Variants in SUCLG2 observed in about 807,000 individuals in gnomAD.
The protein encoded by SUCLG2 is succinate--CoA ligase [GDP-forming] subunit beta, mitochondrial.
A neutral mutation model predicts 47.9 loss-of-function variants in SUCLG2; 42 were observed. The observed-to-expected ratio is 0.88, with a 90% CI of 0.69 to 1.14. SUCLG2 has a LOEUF of 1.14. SUCLG2 is among the 50% of genes most tolerant of loss of function. The pLI is 0.00. For missense variants in SUCLG2, 571 were observed against 525.9 expected, an observed-to-expected ratio of 1.09 and a Z score of -0.84; for synonymous variants, 195 against 197.3, an observed-to-expected ratio of 0.99 and a Z score of 0.10.
At chr3:67,650,322 A>C (rs1342673504) in intron 1 of SUCLG2, among the ~76,000 whole-genome samples, 1 of 152,270 alleles carries the variant, frequency 6.6e-6, no homozygotes, top group Non-Finnish European at 1.5e-5. Context: ...TAAAGGCAGA[A>C]AATTAGGCTG....
intron 9 of SUCLG2, among the ~76,000 whole-genome samples, chr3:67,403,871 T>C (rs925003999): frequency 3.1e-4 from 47 of 152,210 alleles, no homozygotes; most frequent in African/African-American, 1.1e-3. Context: ...GATCCTCTTA[T>C]TTCTTCCTTT....
At chr3:67,552,172 CAAAAAAAAAAAA>C (rs55687048) in intron 2 of SUCLG2, among the ~76,000 whole-genome samples, 4 of 75,494 alleles carry the variant, frequency 5.3e-5, no homozygotes, top group African/African-American at 7.6e-5. Context: ...AACTCCATCT[CAAAAAAAAAAAA>C]AAAAAAAAGA....
chr3:67,478,889 A>T (rs532458049), intron 9 of SUCLG2, among the ~76,000 whole-genome samples: 1 of 152,210 alleles, frequency 6.6e-6, no homozygotes, highest in Non-Finnish European at 1.5e-5. Flanking sequence ...AGAATTTTCA[A>T]AGTTAATGAT....
At chr3:67,505,865 C>T (rs1575741249) in intron 7 of SUCLG2, among the ~76,000 whole-genome samples, 1 of 152,028 alleles carries the variant, frequency 6.6e-6, no homozygotes, top group East Asian at 1.9e-4. Context: ...GGGAGGCTGA[C>T]GTAGGAGAAT....
chr3:67,585,045 T>C (rs1191364273), intron 2 of SUCLG2, among the ~76,000 whole-genome samples: 1 of 152,180 alleles, frequency 6.6e-6, no homozygotes, highest in African/African-American at 2.4e-5. Flanking sequence ...ATACTTGAAA[T>C]GGGTAAATTT....
chr3:67,606,149 G>C (rs757012724), intron 2 of SUCLG2, among the ~76,000 whole-genome samples: 1 of 152,130 alleles, frequency 6.6e-6, no homozygotes, highest in African/African-American at 2.4e-5. Flanking sequence ...AGATTGCACT[G>C]AACTATGATT....
At chr3:67,417,282 G>A (rs774837160) in intron 9 of SUCLG2, among the ~76,000 whole-genome samples, 11 of 152,232 alleles carry the variant, frequency 7.2e-5, no homozygotes, top group Non-Finnish European at 1.6e-4. Context: ...GGAGTACCTA[G>A]AAAGTACCAC....
intron 9 of SUCLG2, among the ~76,000 whole-genome samples, chr3:67,421,829 G>C (rs1460805091): frequency 6.6e-6 from 1 of 152,154 alleles, no homozygotes; most frequent in Non-Finnish European, 1.5e-5. Flanking sequence ...TATAAAGACT[G>C]TCAAGAGAAC....
intron 9 of SUCLG2, among the ~76,000 whole-genome samples, chr3:67,466,296 T>TGA (rs1345812153): frequency 2.6e-5 from 4 of 152,192 alleles, no homozygotes; most frequent in Non-Finnish European, 5.9e-5. Context: ...GAGGTTGCAG[T>TGA]GAGCTGAGAT....
intron 5 of SUCLG2, among the ~76,000 whole-genome samples, chr3:67,519,474 T>C (rs1269843046): frequency 6.6e-6 from 1 of 152,232 alleles, no homozygotes; most frequent in Non-Finnish European, 1.5e-5. Context: ...AAATATGCTA[T>C]AGGAACTTAA....
chr3:67,542,808 C>T (rs1483562933), intron 2 of SUCLG2, among the ~76,000 whole-genome samples: 1 of 152,122 alleles, frequency 6.6e-6, no homozygotes, highest in African/African-American at 2.4e-5. Context: ...AACAAGAGCA[C>T]CCAGATGCAT....
In SUCLG2 at chr3:67,402,194, C is replaced by T. The variant is rs191702660; in HGVS notation, c.1063-1343G>A. On this transcript the variant is annotated intron_variant, in intron 9 of 10. Coordinates refer to ENST00000307227, the MANE Select transcript of SUCLG2 (RefSeq NM_003848.4). ...GGGAATAAAAAGAGGACCTAGCCCACAGGATGTTGAAAGGCCTAAATGAGG... is the reference window on the plus strand; with the variant it reads ...GGGAATAAAAAGAGGACCTAGCCCATAGGATGTTGAAAGGCCTAAATGAGG... Among the ~76,000 whole-genome samples, 527 of 152,312 alleles carry T rather than the reference C, an allele frequency of 3.5e-3. 3 individuals carry two copies. Among genetic ancestry groups the T allele is most frequent in the Non-Finnish European group, 5.7e-3 (389 of 68,048 alleles).
intron 9 of SUCLG2, among the ~76,000 whole-genome samples, chr3:67,419,920 A>T (rs1703117210): frequency 6.6e-6 from 1 of 152,194 alleles, no homozygotes; most frequent in Admixed American, 6.5e-5. Context: ...TCTCTTTAAG[A>T]TGTTTAAGAA....
intron 1 of SUCLG2, among the ~76,000 whole-genome samples, chr3:67,628,895 T>C (rs1055073514): frequency 6.6e-6 from 1 of 152,188 alleles, no homozygotes; most frequent in Non-Finnish European, 1.5e-5. Context: ...TAGCAAGAAC[T>C]GCTCCATGTT....
At chr3:67,412,533 T>G (rs1702952669) in intron 9 of SUCLG2, among the ~76,000 whole-genome samples, 1 of 152,076 alleles carries the variant, frequency 6.6e-6, no homozygotes, top group African/African-American at 2.4e-5. Flanking sequence ...ATTAATGGGT[T>G]CCTTTTGGAT....
intron 7 of SUCLG2, among the ~76,000 whole-genome samples, chr3:67,506,170 A>T (rs1705632641): frequency 6.6e-6 from 1 of 152,212 alleles, no homozygotes; most frequent in East Asian, 1.9e-4. Flanking sequence ...TAAGATTATC[A>T]ATATTGCTAA....
intron 10 of SUCLG2, among the ~76,000 whole-genome samples, chr3:67,399,841 T>C (rs1702643577): frequency 6.6e-6 from 1 of 152,210 alleles, no homozygotes; most frequent in South Asian, 2.1e-4. Flanking sequence ...AATAGACTTT[T>C]AGTGTAGTAC....
chr3:67,361,010 G>C (rs1179245790), intron 10 of SUCLG2, among the ~76,000 whole-genome samples: 1 of 152,156 alleles, frequency 6.6e-6, no homozygotes, highest in African/African-American at 2.4e-5. Flanking sequence ...GGATAAGGCA[G>C]ATGAAACAAG....
intron 9 of SUCLG2, among the ~76,000 whole-genome samples, chr3:67,495,000 A>G (rs1046386706): frequency 1.3e-5 from 2 of 152,210 alleles, no homozygotes; most frequent in Non-Finnish European, 2.9e-5. Context: ...TACTTAGTAC[A>G]TATGTTACAA....
Sources: gnomAD v4.1 joint callset for allele counts (sites outside exome capture counted in the v4.1 genomes callset) on GRCh38, gnomAD v4.1.1 for gene constraint, MANE v1.5 for transcripts, NCBI Gene and HGNC (gene_info 2026-07-23, HGNC 2026-07-21) for gene names.